LRMDA: variants seen among roughly 807,000 people sequenced by gnomAD.
The protein encoded by LRMDA is leucine rich melanocyte differentiation associated.
A neutral mutation model predicts 29.8 loss-of-function variants in LRMDA; 18 were observed. The ratio of observed to expected loss-of-function variants is 0.60; its 90% confidence interval spans 0.42 to 0.90. The LOEUF (loss-of-function observed/expected upper bound fraction) is 0.90. Among genes scored for constraint, LRMDA ranks in the 40% least tolerant of loss-of-function variants. The pLI, the probability that LRMDA is intolerant of heterozygous loss-of-function variation, is 0.00. For missense variants in LRMDA, 273 were observed against 273.9 expected (o/e 1.00, Z 0.02); for synonymous variants, 125 against 109.4 (o/e 1.14, Z -0.89).
intron 2 of LRMDA, among the ~76,000 whole-genome samples, chr10:75,952,186 G>A (rs1564615221): frequency 1.3e-5 from 2 of 151,886 alleles, no homozygotes; most frequent in African/African-American, 4.8e-5. Context: ...CTCCCACCCC[G>A]ACCCCGCCGA....
intron 2 of LRMDA, among the ~76,000 whole-genome samples, chr10:75,968,503 G>A (rs1282175520): frequency 6.6e-6 from 1 of 152,186 alleles, no homozygotes; most frequent in Admixed American, 6.5e-5. Context: ...GCACATTCTA[G>A]AATGTTCCCT....
At chr10:76,479,700 T>C (rs1842716860) in intron 6 of LRMDA, among the ~76,000 whole-genome samples, 1 of 151,956 alleles carries the variant, frequency 6.6e-6, no homozygotes, top group Non-Finnish European at 1.5e-5. Context: ...GAATAGTGTG[T>C]GTTTTTCAAA....
chr10:75,881,320 C>T (rs1162896853), intron 2 of LRMDA, among the ~76,000 whole-genome samples: 1 of 152,156 alleles, frequency 6.6e-6, no homozygotes, highest in African/African-American at 2.4e-5. Flanking sequence ...CTCACATAAA[C>T]AGATGTAAAG....
At chr10:75,822,583 C>T (rs966985942) in intron 2 of LRMDA, among the ~76,000 whole-genome samples, 1 of 151,988 alleles carries the variant, frequency 6.6e-6, no homozygotes, top group Non-Finnish European at 1.5e-5. Flanking sequence ...CTATAGTAAC[C>T]AAAACAGCAT....
intron 2 of LRMDA, among the ~76,000 whole-genome samples, chr10:75,792,073 A>G (rs1843576250): frequency 6.6e-6 from 1 of 151,110 alleles, no homozygotes; most frequent in African/African-American, 2.4e-5. Context: ...GTTAGTCAGG[A>G]TGGTCTCCAT....
intron 2 of LRMDA, among the ~76,000 whole-genome samples, chr10:75,961,864 T>C (rs1846773059): frequency 6.6e-6 from 1 of 152,156 alleles, no homozygotes; most frequent in South Asian, 2.1e-4. Context: ...GTTACTTCCT[T>C]CTAGGCTGTG....
intron 2 of LRMDA, among the ~76,000 whole-genome samples, chr10:75,562,821 T>A (rs1840316228): frequency 6.6e-6 from 1 of 152,200 alleles, no homozygotes; most frequent in Non-Finnish European, 1.5e-5. Flanking sequence ...AATTCTGGAT[T>A]GAAAATTCTT....
chr10:75,842,682 G>A (rs1844561654), intron 2 of LRMDA, among the ~76,000 whole-genome samples: 1 of 152,176 alleles, frequency 6.6e-6, no homozygotes, highest in Admixed American at 6.5e-5. Context: ...GTGTTTGTAT[G>A]TGTGTACATG....
At chr10:76,284,934 G>A (rs1564711131) in intron 5 of LRMDA, among the ~76,000 whole-genome samples, 2 of 152,136 alleles carry the variant, frequency 1.3e-5, no homozygotes, top group Admixed American at 6.5e-5. Flanking sequence ...CATCCATGTG[G>A]AAATGTGAGT....
At chr10:75,844,446 A>G (rs1207779699) in intron 2 of LRMDA, among the ~76,000 whole-genome samples, 3 of 152,216 alleles carry the variant, frequency 2.0e-5, no homozygotes, top group Non-Finnish European at 4.4e-5. Context: ...TTGAAGCCCA[A>G]AAGAATCCTA....
intron 6 of LRMDA, among the ~76,000 whole-genome samples, chr10:76,331,098 C>T (rs762643846): frequency 6.6e-6 from 1 of 152,100 alleles, no homozygotes; most frequent in African/African-American, 2.4e-5. Flanking sequence ...TGATGAAACC[C>T]CATCTCTACT....
At chr10:76,419,922 A>G (rs1453024910) in intron 6 of LRMDA, among the ~76,000 whole-genome samples, 1 of 152,142 alleles carries the variant, frequency 6.6e-6, no homozygotes, top group Non-Finnish European at 1.5e-5. Context: ...GTGTTATGTG[A>G]ATACACATTG....
intron 6 of LRMDA, among the ~76,000 whole-genome samples, chr10:76,548,807 GAT>G (rs2132393363): frequency 6.6e-6 from 1 of 152,242 alleles, no homozygotes; most frequent in Non-Finnish European, 1.5e-5. Context: ...TCCTTTCCAG[GAT>G]TCACATAATG....
chr10:75,437,498 G>A (rs543039536), intron 1 of LRMDA, among the ~76,000 whole-genome samples: 4 of 152,214 alleles, frequency 2.6e-5, no homozygotes, highest in South Asian at 2.1e-4. Context: ...TGGTCAACTC[G>A]GCCTCATGGG....
At chr10:75,893,706 C>T (rs558878867) in intron 2 of LRMDA, among the ~76,000 whole-genome samples, 3 of 152,164 alleles carry the variant, frequency 2.0e-5, no homozygotes, top group South Asian at 2.1e-4. Context: ...GAGGCCGAGG[C>T]GGGTGGACCT....
intron 5 of LRMDA, among the ~76,000 whole-genome samples, chr10:76,157,047 A>G (rs1297996170): frequency 1.3e-5 from 2 of 152,136 alleles, no homozygotes; most frequent in Non-Finnish European, 2.9e-5. Context: ...TGGTCTAGAG[A>G]GGAGGAGAAT....
intron 2 of LRMDA, among the ~76,000 whole-genome samples, chr10:76,027,762 T>C (rs574730164): frequency 6.6e-5 from 10 of 152,352 alleles, no homozygotes; most frequent in African/African-American, 2.2e-4. Context: ...TTAATTTTCA[T>C]GCATGAGATC....
At chr10:76,021,641 C>T (rs140183985) in intron 2 of LRMDA, among the ~76,000 whole-genome samples, 8 of 152,276 alleles carry the variant, frequency 5.3e-5, no homozygotes, top group Admixed American at 3.3e-4. Context: ...GAATATTAAC[C>T]TCCTACCATG....
chr10:75,442,680 T>C (rs535109958), intron 2 of LRMDA, among the ~76,000 whole-genome samples: 1 of 152,314 alleles, frequency 6.6e-6, no homozygotes, highest in South Asian at 2.1e-4. Context: ...TGAAGTCAGG[T>C]AGTGTGATGC....
Sources: allele counts gnomAD v4.1 joint callset (sites outside exome capture counted in the v4.1 genomes callset), GRCh38; gene constraint gnomAD v4.1.1; transcripts MANE v1.5; gene names NCBI Gene and HGNC (gene_info 2026-07-23, HGNC 2026-07-21).